The following PXYLP1 variants were observed in gnomAD, a reference collection of about 807,000 sequenced individuals.
PXYLP1 encodes acid phosphatase-like 2.
In PXYLP1, 17 loss-of-function variants were observed where a neutral mutation model predicts 37.9. That is an observed-to-expected ratio of 0.45 (90% CI 0.31 to 0.67). The LOEUF (loss-of-function observed/expected upper bound fraction) is 0.67, where lower values mean the gene tolerates loss of function less well. Among genes scored for constraint, PXYLP1 ranks in the 30% least tolerant of loss-of-function variants. The pLI, the probability that PXYLP1 is intolerant of heterozygous loss-of-function variation, is 0.07. For missense variants in PXYLP1, 511 were observed against 612.0 expected (o/e 0.84, Z 1.74); for synonymous variants, 221 against 232.2 (o/e 0.95, Z 0.44).
intron 4 of PXYLP1, among the ~76,000 whole-genome samples, chr3:141,282,429 C>G (rs1052440725): frequency 6.6e-6 from 1 of 152,002 alleles, no homozygotes; most frequent in Non-Finnish European, 1.5e-5. Flanking sequence ...TCCCACAGCC[C>G]CCTTAGCCTG....
chr3:141,243,094 G>A (rs572023530), intron 1 of PXYLP1, among the ~76,000 whole-genome samples: 1 of 152,296 alleles, frequency 6.6e-6, no homozygotes, highest in South Asian at 2.1e-4. Flanking sequence ...CTGTGACTTG[G>A]GGACCCCAAC....
intron 1 of PXYLP1, chr3:141,258,301 G>A (rs1427734498): frequency 1.3e-5 from 2 of 152,346 alleles, no homozygotes; most frequent in African/African-American, 2.4e-5. Flanking sequence ...AGGAGAACAT[G>A]TGTACGTGTA....
At chr3:141,262,764 G>A in intron 2 of PXYLP1, 1 of 1,347,772 alleles carries the variant, frequency 7.4e-7, no homozygotes. Context: ...CTGTAGAAGT[G>A]AGTTTAATTG....
At chr3:141,287,665 T>C (rs1942107932) in intron 5 of PXYLP1, among the ~76,000 whole-genome samples, 1 of 152,138 alleles carries the variant, frequency 6.6e-6, no homozygotes, top group South Asian at 2.1e-4. Flanking sequence ...AAACAATACG[T>C]GTTCATGAAA....
At chr3:141,263,324 AT>A (rs1224960244) in intron 2 of PXYLP1, among the ~76,000 whole-genome samples, 10 of 152,256 alleles carry the variant, frequency 6.6e-5, no homozygotes, top group Admixed American at 6.5e-4. Flanking sequence ...AATGGTGCTA[AT>A]GACTTGCTAT....
intron 2 of PXYLP1, among the ~76,000 whole-genome samples, chr3:141,265,270 G>T (rs897954050): frequency 3.3e-5 from 5 of 151,548 alleles, no homozygotes; most frequent in African/African-American, 9.7e-5. Flanking sequence ...CTACAGTCCA[G>T]CACAGTGTTT....
At chr3:141,280,793 G>A (rs1279450467) in intron 4 of PXYLP1, among the ~76,000 whole-genome samples, 2 of 152,164 alleles carry the variant, frequency 1.3e-5, no homozygotes, top group Admixed American at 1.3e-4. Context: ...AAAAGGTGGT[G>A]TGCCCTGGAG....
At chr3:141,246,060 G>C (rs1022712498) in intron 1 of PXYLP1, among the ~76,000 whole-genome samples, 4 of 152,212 alleles carry the variant, frequency 2.6e-5, no homozygotes, top group Non-Finnish European at 5.9e-5. Context: ...AAGACACCTA[G>C]CCTTTTGGGT....
intron 4 of PXYLP1, among the ~76,000 whole-genome samples, chr3:141,282,513 C>CACACAG (rs1248170491): frequency 6.6e-6 from 1 of 151,682 alleles, no homozygotes; most frequent in East Asian, 1.9e-4. Context: ...CACACACACA[C>CACACAG]AGAGTGTTCA....
At chr3:141,280,180 T>G in intron 4 of PXYLP1, among the ~76,000 whole-genome samples, 1 of 152,240 alleles carries the variant, frequency 6.6e-6, no homozygotes, top group East Asian at 1.9e-4. Flanking sequence ...GCACATAACA[T>G]TCTAGCAGAG....
At chr3:141,239,510 C>A (rs144298469) in intron 1 of PXYLP1, among the ~76,000 whole-genome samples, 54 of 85,300 alleles carry the variant, frequency 6.3e-4, no homozygotes, top group African/African-American at 3.3e-3. Context: ...GCTAAGTTAG[C>A]AGCATATGAT....
intron 3 of PXYLP1, 133 bp from the exon 4 acceptor site, chr3:141,279,245 A>C: frequency 1.8e-6 from 2 of 1,134,594 alleles, no homozygotes; most frequent in Non-Finnish European, 2.5e-6. Flanking sequence ...GTGGCTCTGC[A>C]AACCCACGGT....
chr3:141,293,425 G>A lies in PXYLP1; in HGVS notation c.*220G>A. The A allele has an allele frequency of 1.8e-6, 1 of 567,068 alleles. No homozygotes were observed. The allele number at this position is 567,068 out of a possible 1,614,324, so 35.1% of individuals were successfully genotyped here. A position where few individuals can be genotyped will look rare whatever the true frequency, so the allele number is the denominator to read the frequency against. ...AAAATGGCCAGTTCACAGAGGAATA[G>A]AAGGTACTTTATCATAGCCAGACTT... On this transcript the variant is annotated 3_prime_UTR_variant, in exon 6 of 6. Transcript: ENST00000286353.
At chr3:141,233,774 CTT>C (rs1176853239) in intron 1 of PXYLP1, among the ~76,000 whole-genome samples, 3 of 152,182 alleles carry the variant, frequency 2.0e-5, no homozygotes, top group African/African-American at 4.8e-5. Context: ...ATCTGTAACT[CTT>C]TTTTCTATTG....
chr3:141,293,534 A>G lies in PXYLP1; in HGVS notation c.*329A>G, dbSNP rs984509969. ...CTCTTCTGGCCTGCCCCATGTTACT[A>G]TGTGATGGAACCAGCACACCTCAAC... On this transcript the variant is annotated 3_prime_UTR_variant, in exon 6 of 6. Transcript: ENST00000286353. The G allele has an allele frequency of 1.2e-5, 3 of 247,538 alleles. No homozygotes were observed. The highest frequency in any genetic ancestry group is 2.3e-5 in the Non-Finnish European group (3 of 128,540). 15.3% of individuals were successfully genotyped at this position (247,538 alleles called of 1,614,324 possible).
chr3:141,254,966 A>G (rs1478710961), intron 1 of PXYLP1, among the ~76,000 whole-genome samples: 2 of 152,208 alleles, frequency 1.3e-5, no homozygotes, highest in Non-Finnish European at 2.9e-5. Context: ...TGGTGTTTTC[A>G]GCTCTTACAA....
chr3:141,287,222 C>T (rs1340766416), intron 4 of PXYLP1, 92 bp from the exon 5 acceptor site: 15 of 1,399,802 alleles, frequency 1.1e-5, no homozygotes, highest in Middle Eastern at 1.8e-4. Flanking sequence ...CAAAAGGCTG[C>T]GATACACGTG....
At chr3:141,250,169 G>A (rs1559882586) in intron 1 of PXYLP1, among the ~76,000 whole-genome samples, 2 of 152,352 alleles carry the variant, frequency 1.3e-5, no homozygotes, top group South Asian at 2.1e-4. Flanking sequence ...AGTGGAAGAC[G>A]TACAGTCAGT....
At chr3:141,261,026 G>A (rs570365642) in intron 2 of PXYLP1, among the ~76,000 whole-genome samples, 7 of 152,240 alleles carry the variant, frequency 4.6e-5, no homozygotes, top group African/African-American at 1.7e-4. Flanking sequence ...TTCCCTTTCA[G>A]CCCTTGCCCC....
Sources: gnomAD v4.1 joint callset for allele counts (sites outside exome capture counted in the v4.1 genomes callset) on GRCh38, gnomAD v4.1.1 for gene constraint, MANE v1.5 for transcripts, NCBI Gene and HGNC (gene_info 2026-07-23, HGNC 2026-07-21) for gene names.